USP54: variants seen among roughly 807,000 people sequenced by gnomAD.
USP54 encodes ubiquitin carboxyl-terminal hydrolase 54.
Under a neutral mutation model 170.5 loss-of-function variants are expected in USP54, and 87 were observed. The observed-to-expected ratio is 0.51, with a 90% CI of 0.43 to 0.61. USP54 has a LOEUF of 0.61. USP54 is among the 20% of genes least tolerant of loss of function. The pLI, the probability that USP54 is intolerant of heterozygous loss-of-function variation, is 0.00. For synonymous variants in USP54, 655 were observed against 742.8 expected, an observed-to-expected ratio of 0.88 and a Z score of 1.92; for missense variants, 1,786 against 2,047.8, an observed-to-expected ratio of 0.87 and a Z score of 2.47.
At chr10:73,569,815 G>C (rs1472560281) in intron 4 of USP54, among the ~76,000 whole-genome samples, 1 of 146,738 alleles carries the variant, frequency 6.8e-6, no homozygotes, top group Non-Finnish European at 1.5e-5. Flanking sequence ...AGTGAGTTGG[G>C]TGTGGTGGCA....
intron 3 of USP54, 49 bp downstream of exon 3, chr10:73,575,463 T>A (rs2075994624): frequency 6.6e-7 from 1 of 1,524,806 alleles, no homozygotes; most frequent in African/African-American, 1.4e-5. Flanking sequence ...AAATACAGCA[T>A]CAGCAATTAA....
intron 16 of USP54, among the ~76,000 whole-genome samples, chr10:73,524,603 C>T (rs142338854): frequency 3.4e-3 from 521 of 152,146 alleles, no homozygotes; most frequent in Admixed American, 6.5e-3. Flanking sequence ...ATAATAACAA[C>T]AACAACAACA....
In USP54 at chr10:73,545,768, C is replaced by T. The variant is rs1564779884; in HGVS notation, c.241-96G>A. The T allele has an allele frequency of 2.1e-6, 3 of 1,429,472 alleles. 1 individual carries two copies. Among genetic ancestry groups the T allele is most frequent in the South Asian group, 2.7e-5 (2 of 74,758 alleles). 88.5% of individuals were successfully genotyped at this position (1,429,472 alleles called of 1,614,324 possible). A position where few individuals can be genotyped will look rare whatever the true frequency, so the allele number is the denominator to read the frequency against. On this transcript the variant is annotated intron_variant, in intron 4 of 23. Coordinates refer to ENST00000687698, the MANE Select transcript of USP54 (RefSeq NM_001391956.1). ...CATGCTAGCATCTCCATGATGATAGCTATGAAACCAAATGTGCTTCCCATG... is the reference window on the plus strand; with the variant it reads ...CATGCTAGCATCTCCATGATGATAGTTATGAAACCAAATGTGCTTCCCATG...
chr10:73,529,715 C>G lies in USP54; in HGVS notation c.2025G>C (p.Leu675=), dbSNP rs1340899950. Residue 675 remains leucine (L), a synonymous_variant, in exon 15 of 24, where the codon CTG becomes CTC. Coordinates refer to ENST00000687698, the MANE Select transcript of USP54 (RefSeq NM_001391956.1). ...SERNSSSPVS[L]DAALPESSNV... is the part of the protein sequence containing the mutation. The stretch of plus-strand genomic sequence containing the variant: ...TTGAGCTCTCAGGCAGGGCTGCATC[C>G]AGGCTGACAGGGCTGCTGCTGTTCC... The G allele has an allele frequency of 1.2e-6, 2 of 1,614,008 alleles. No homozygotes were observed. Among genetic ancestry groups the G allele is most frequent in the Non-Finnish European group, 1.7e-6 (2 of 1,179,860 alleles).
chr10:73,598,900 CAG>C (rs1434579299), intron 1 of USP54, among the ~76,000 whole-genome samples: 4 of 151,118 alleles, frequency 2.6e-5, no homozygotes, highest in Non-Finnish European at 4.4e-5. Flanking sequence ...AGCCTGGCGA[CAG>C]AGAGAGACTC....
chr10:73,514,747 A>G (rs191236528), intron 20 of USP54, among the ~76,000 whole-genome samples: 14 of 151,482 alleles, frequency 9.2e-5, no homozygotes, highest in Non-Finnish European at 7.4e-5. Flanking sequence ...GTATCTTAAT[A>G]TCAAGTCTTA....
In USP54 at chr10:73,516,894, T is replaced by C. The variant is rs1589941880; in HGVS notation, c.3532A>G (p.Lys1178Glu). Residue 1178 changes from lysine (K) to glutamate (E), a missense_variant, in exon 20 of 24, where the codon AAA becomes GAA. Transcript: ENST00000687698. The stretch of plus-strand genomic sequence containing the variant: ...TGCTTTGCCCATGGCCAGTGGCCTT[T>C]CTCTTGACCCTGTGAGAAAGGAGGC... Reference protein sequence around the residue: ...SKPPFSQGQEKGHWPWAKQQS... With the variant: ...SKPPFSQGQEEGHWPWAKQQS... 1 of 1,614,240 alleles carries C rather than the reference T, an allele frequency of 6.2e-7. No individual in the cohort carries two copies. Among genetic ancestry groups the C allele is most frequent in the Non-Finnish European group, 8.5e-7 (1 of 1,180,044 alleles).
intron 4 of USP54, among the ~76,000 whole-genome samples, chr10:73,565,687 G>C (rs1247855737): frequency 6.6e-6 from 1 of 151,924 alleles, no homozygotes; most frequent in Admixed American, 6.6e-5. Flanking sequence ...CCACCACACT[G>C]GAAAAGAAAT....
At position 73,499,176 on chromosome 10, in the gene USP54, C is replaced by A. The variant is rs533163289; in HGVS notation, c.4508G>T (p.Ser1503Ile). ...ACACATAGCCAGAAACTGCTGGACA[C>A]TCCTTGAAGTTCCTGGGGAAAGAAA... ...EPNRLPGTSRSVQQFLAMCDR... is the reference protein window; with the variant it reads ...EPNRLPGTSRIVQQFLAMCDR... The change falls in exon 24 of 24, where the codon AGT becomes ATT. Residue 1503 changes from serine (S) to isoleucine (I), a missense_variant. Ser to Ile is a moderately radical substitution (Grantham distance 142). This residue lies in a region of USP54 where 1,418 missense variants were observed against 1,569.0 expected (regional missense o/e 0.90). Transcript: ENST00000687698. 6.3e-7 allele frequency: 1 copy of A among 1,597,724 alleles called. No homozygotes were observed. Among genetic ancestry groups the A allele is most frequent in the African/African-American group, 1.4e-5 (1 of 73,984 alleles).
chr10:73,559,417 AGGCATG>A (rs2072190703), intron 4 of USP54, among the ~76,000 whole-genome samples: 1 of 152,004 alleles, frequency 6.6e-6, no homozygotes, highest in Non-Finnish European at 1.5e-5. Flanking sequence ...AAAATTAGCC[AGGCATG>A]GTGACACATG....
At chr10:73,534,100 C>T (rs904612794) in intron 12 of USP54, among the ~76,000 whole-genome samples, 2 of 152,218 alleles carry the variant, frequency 1.3e-5, no homozygotes, top group East Asian at 1.9e-4. Flanking sequence ...TGGAGCATCA[C>T]GGTTCATTCA....
chr10:73,517,527 A>C lies in USP54; in HGVS notation c.2899T>G (p.Ser967Ala). The change falls in exon 20 of 24, where the codon TCT (serine) becomes GCT (alanine). Residue 967 changes from serine to alanine, a missense_variant. By Grantham distance (99) the Ser-to-Ala change is moderately conservative (BLOSUM62 1). Transcript: ENST00000687698. ...TSVEVDNIEP[S>A]AFHRQGLPKA... ...GGTAAACCTTGCCTGTGGAATGCAG[A>C]GGGTTCAATGTTGTCTACTTCAACC... is the stretch of plus-strand genomic sequence containing the variant. 1 of 1,614,182 alleles carries C rather than the reference A, an allele frequency of 6.2e-7. No homozygotes were observed. Among genetic ancestry groups the C allele is most frequent in the Non-Finnish European group, 8.5e-7 (1 of 1,180,032 alleles).
chr10:73,612,014 G>A (rs1256601976), intron 1 of USP54, among the ~76,000 whole-genome samples: 1 of 151,732 alleles, frequency 6.6e-6, no homozygotes, highest in Non-Finnish European at 1.5e-5. Flanking sequence ...GGGAGGCTGA[G>A]GCAGGAGGAT....
chr10:73,507,249 A>G (rs1490959706), intron 20 of USP54: 2 of 151,608 alleles, frequency 1.3e-5, no homozygotes, highest in Non-Finnish European at 2.9e-5. Context: ...GAGAGAAGAG[A>G]CAGGAAAATT....
chr10:73,509,497 C>T (rs1445491286), intron 20 of USP54, among the ~76,000 whole-genome samples: 2 of 150,220 alleles, frequency 1.3e-5, no homozygotes, highest in African/African-American at 4.9e-5. Flanking sequence ...TGCCTGTAAT[C>T]CCAGCTACTC....
Position 73,571,456 on chromosome 10 carries a change from A to C in USP54, c.205T>G (p.Cys69Gly). 1 of 1,613,992 alleles carries C rather than the reference A, an allele frequency of 6.2e-7. No individual in the cohort carries two copies. The highest frequency in any genetic ancestry group is 8.5e-7 in the Non-Finnish European group (1 of 1,179,932). ...RSFRQLTTHK[C>G]MGDSCIFCAL... is the part of the protein sequence containing the mutation. ...CAAAAGATGCAGGAATCTCCCATGC[A>C]CTTGTGAGTTGTAAGCTGCCTAAAG... is the stretch of plus-strand genomic sequence containing the variant. Residue 69 changes from cysteine (C) to glycine (G), a missense_variant, in exon 4 of 24, where the codon TGC (cysteine) becomes GGC (glycine). Physicochemically the swap from Cys to Gly is radical, Grantham distance 159. Transcript: ENST00000687698.
At chr10:73,565,154 G>A (rs1306663593) in intron 4 of USP54, among the ~76,000 whole-genome samples, 1 of 152,064 alleles carries the variant, frequency 6.6e-6, no homozygotes, top group Non-Finnish European at 1.5e-5. Context: ...TATCTTTAGT[G>A]AATGAGAAAT....
At chr10:73,514,964 C>T (rs1418620306) in intron 20 of USP54, among the ~76,000 whole-genome samples, 9 of 151,478 alleles carry the variant, frequency 5.9e-5, no homozygotes, top group Non-Finnish European at 7.4e-5. Flanking sequence ...CACTTGAACC[C>T]GGGAGGCGGA....
At chr10:73,558,706 C>G (rs80194713) in intron 4 of USP54, among the ~76,000 whole-genome samples, 5,371 of 152,236 alleles carry the variant, frequency 0.035, 153 homozygotes, top group South Asian at 0.11. Flanking sequence ...AGAAATCTGA[C>G]TTTACAGAAT....
Sources: allele counts gnomAD v4.1 joint callset (sites outside exome capture counted in the v4.1 genomes callset), GRCh38; gene constraint gnomAD v4.1.1; regional missense constraint gnomAD v4.1.1; transcripts MANE v1.5; gene names NCBI Gene and HGNC (gene_info 2026-07-23, HGNC 2026-07-21).